Variants in ENTHD1 observed in about 807,000 individuals in gnomAD.
The protein encoded by ENTHD1 is ENTH domain containing 1.
Under a neutral mutation model 39.1 loss-of-function variants are expected in ENTHD1, and 23 were observed. That is an observed-to-expected ratio of 0.59 (90% CI 0.42 to 0.83). The LOEUF (loss-of-function observed/expected upper bound fraction) is 0.83, where lower values mean the gene tolerates loss of function less well. Ranked by LOEUF, ENTHD1 falls within the 40% of genes least tolerant of loss-of-function variation. The pLI is 0.00. For synonymous variants in ENTHD1, 230 were observed against 258.2 expected, an observed-to-expected ratio of 0.89 and a Z score of 1.05; for missense variants, 624 against 705.4, an observed-to-expected ratio of 0.88 and a Z score of 1.31.
intron 5 of ENTHD1, among the ~76,000 whole-genome samples, chr22:39,797,262 T>G (rs1185954705): frequency 2.0e-5 from 3 of 152,250 alleles, no homozygotes; most frequent in Non-Finnish European, 4.4e-5. Context: ...TAAAGTGAGT[T>G]TATCGTAGGC....
intron 5 of ENTHD1, among the ~76,000 whole-genome samples, chr22:39,772,523 T>C (rs964255453): frequency 1.1e-4 from 17 of 152,100 alleles, no homozygotes; most frequent in Non-Finnish European, 2.2e-4. Flanking sequence ...CCAAGTCTAA[T>C]AGGTAAAGTG....
chr22:39,821,168 T>C (rs2065780528), intron 4 of ENTHD1, 55 bp from the exon 5 acceptor site: 3 of 1,594,850 alleles, frequency 1.9e-6, no homozygotes, highest in Admixed American at 3.4e-5. Context: ...TATCCCTGGA[T>C]GGACAATTTA....
rs374471496 is a variant in ENTHD1 at position 39,792,421 on chromosome 22, C to A, written c.833-26812G>T. Among the ~76,000 whole-genome samples the A allele has an allele frequency of 3.8e-3, 571 of 152,250 alleles. 6 individuals carry two copies. The highest frequency in any genetic ancestry group is 0.012 in the African/African-American group (501 of 41,528). ...CCTCAGTTACATGCTATTGTTACCT[C>A]GCATTTTAGTTCTTTTTCTAATACC... On this transcript the variant is annotated intron_variant, in intron 5 of 6. Transcript: ENST00000325157.
intron 2 of ENTHD1, among the ~76,000 whole-genome samples, chr22:39,879,486 A>AC (rs1372908989): frequency 3.3e-5 from 5 of 150,556 alleles, no homozygotes; most frequent in African/African-American, 1.2e-4. Context: ...AAAAAAAAAA[A>AC]AAAGATATAC....
chr22:39,878,149 G>T (rs751568780), intron 2 of ENTHD1, among the ~76,000 whole-genome samples: 3 of 152,184 alleles, frequency 2.0e-5, no homozygotes, highest in Non-Finnish European at 4.4e-5. Flanking sequence ...CAAAAATATT[G>T]TAACAGAAAT....
chr22:39,762,317 C>T (rs1459978553), intron 6 of ENTHD1, among the ~76,000 whole-genome samples: 1 of 152,288 alleles, frequency 6.6e-6, no homozygotes, highest in Non-Finnish European at 1.5e-5. Context: ...CCTGCCAGAA[C>T]TGAACTCTCT....
intron 2 of ENTHD1, among the ~76,000 whole-genome samples, chr22:39,882,076 A>T (rs1349521721): frequency 1.3e-5 from 2 of 152,146 alleles, no homozygotes; most frequent in Non-Finnish European, 2.9e-5. Flanking sequence ...TGAGACAACA[A>T]AATCATTTTT....
intron 4 of ENTHD1, among the ~76,000 whole-genome samples, chr22:39,833,670 A>G (rs183496499): frequency 9.9e-5 from 15 of 152,058 alleles, no homozygotes; most frequent in African/African-American, 3.6e-4. Flanking sequence ...AATAGAAACT[A>G]TAAAGAAAAG....
At chr22:39,745,888 G>A (rs1047094059) in intron 6 of ENTHD1, among the ~76,000 whole-genome samples, 2 of 152,098 alleles carry the variant, frequency 1.3e-5, no homozygotes, top group African/African-American at 2.4e-5. Context: ...CTGTGCAGGG[G>A]TTGGAGCCAT....
intron 5 of ENTHD1, among the ~76,000 whole-genome samples, chr22:39,786,219 C>T (rs149741089): frequency 1.3e-5 from 2 of 152,274 alleles, no homozygotes; most frequent in African/African-American, 2.4e-5. Context: ...CAGAGATGCT[C>T]AGTCTCTTCC....
chr22:39,771,855 G>A (rs1264996191), intron 5 of ENTHD1, among the ~76,000 whole-genome samples: 3 of 152,170 alleles, frequency 2.0e-5, no homozygotes, highest in African/African-American at 7.2e-5. Flanking sequence ...AGTACTTCGG[G>A]TTGAAGACAA....
chr22:39,869,901 G>T (rs1005739190), intron 2 of ENTHD1, among the ~76,000 whole-genome samples: 6 of 151,792 alleles, frequency 4.0e-5, no homozygotes, highest in Non-Finnish European at 7.4e-5. Context: ...CAGTCATTGA[G>T]ATTTTTTTAA....
At chr22:39,762,849 C>T (rs2065246795) in intron 6 of ENTHD1, among the ~76,000 whole-genome samples, 1 of 152,050 alleles carries the variant, frequency 6.6e-6, no homozygotes, top group South Asian at 2.1e-4. Flanking sequence ...TTTAAATTAC[C>T]TATCTTATAC....
chr22:39,765,168 G>GT (rs2065264558), intron 6 of ENTHD1, 55 bp downstream of exon 6: 5 of 1,407,760 alleles, frequency 3.6e-6, no homozygotes, highest in African/African-American at 1.6e-5. Context: ...TTCAAAAGAG[G>GT]TTTTTTGTTG....
chr22:39,772,743 A>G (rs538697235), intron 5 of ENTHD1, among the ~76,000 whole-genome samples: 1 of 152,338 alleles, frequency 6.6e-6, no homozygotes, highest in East Asian at 1.9e-4. Flanking sequence ...GAGACACCCT[A>G]TAAAAACAAA....
At chr22:39,873,736 C>T (rs1310685786) in intron 2 of ENTHD1, among the ~76,000 whole-genome samples, 1 of 152,194 alleles carries the variant, frequency 6.6e-6, no homozygotes, top group East Asian at 1.9e-4. Context: ...GGATACCATA[C>T]AGATAAGAAT....
At chr22:39,748,796 G>A (rs939463700) in intron 6 of ENTHD1, among the ~76,000 whole-genome samples, 5 of 152,110 alleles carry the variant, frequency 3.3e-5, no homozygotes, top group Non-Finnish European at 5.9e-5. Context: ...AAAAAACCTG[G>A]TATTTAAATT....
chr22:39,766,567 G>A (rs1024925384), intron 5 of ENTHD1, among the ~76,000 whole-genome samples: 5 of 152,216 alleles, frequency 3.3e-5, no homozygotes, highest in Admixed American at 6.5e-5. Context: ...TGAGGTAGAA[G>A]AGGGCCAAAG....
chr22:39,759,551 C>T lies in ENTHD1; in HGVS notation c.1219+5672G>A, dbSNP rs187636153. ...ATAAATTTTAACCTTTTTAAAGAGC[C>T]ACCTTTAATCTGTTTTTATTTCATT... is the stretch of plus-strand genomic sequence containing the variant. On this transcript the variant is annotated intron_variant, in intron 6 of 6. Coordinates refer to ENST00000325157, the MANE Select transcript of ENTHD1 (RefSeq NM_152512.4). 6.8e-3 allele frequency among the ~76,000 whole-genome samples: 1,037 copies of T among 151,856 alleles called. 7 individuals carry two copies. The highest frequency in any genetic ancestry group is 0.01 in the Non-Finnish European group (709 of 67,878).
Sources: gnomAD v4.1 joint callset for allele counts (sites outside exome capture counted in the v4.1 genomes callset) on GRCh38, gnomAD v4.1.1 for gene constraint, MANE v1.5 for transcripts, NCBI Gene and HGNC (gene_info 2026-07-23, HGNC 2026-07-21) for gene names.